WARS2: variants seen among roughly 807,000 people sequenced by gnomAD.
The protein encoded by WARS2 is tryptophanyl tRNA synthetase 2, mitochondrial, also known as tryptophan--tRNA ligase, mitochondrial.
WARS2 carries 28 observed loss-of-function variants against 36.5 expected under a neutral mutation model. The observed-to-expected ratio is 0.77, with a 90% CI of 0.57 to 1.05. WARS2 has a LOEUF of 1.05. WARS2 is among the 50% of genes least tolerant of loss of function. The pLI, the probability that WARS2 is intolerant of heterozygous loss-of-function variation, is 0.00. For missense variants in WARS2, 435 were observed against 456.8 expected (o/e 0.95, Z 0.44); for synonymous variants, 174 against 178.4 (o/e 0.98, Z 0.20).
At chr1:119,051,316 G>A (rs2101154700) in intron 2 of WARS2, among the ~76,000 whole-genome samples, 1 of 152,224 alleles carries the variant, frequency 6.6e-6, no homozygotes, top group South Asian at 2.1e-4. Flanking sequence ...AGTTTGCTAA[G>A]GATAATGGCC....
chr1:119,056,748 G>A (rs1429796464), intron 2 of WARS2, among the ~76,000 whole-genome samples: 1 of 151,782 alleles, frequency 6.6e-6, no homozygotes, highest in Non-Finnish European at 1.5e-5. Flanking sequence ...CCACTGATCA[G>A]TTTTGTTACT....
At chr1:119,087,965 C>T (rs587745559) in intron 1 of WARS2, among the ~76,000 whole-genome samples, 60 of 152,266 alleles carry the variant, frequency 3.9e-4, no homozygotes, top group African/African-American at 1.4e-3. Flanking sequence ...TCTTGGGTTC[C>T]AACCCAGACC....
intron 2 of WARS2, among the ~76,000 whole-genome samples, chr1:119,074,928 G>A (rs985379548): frequency 1.3e-5 from 2 of 152,036 alleles, no homozygotes; most frequent in East Asian, 3.9e-4. Flanking sequence ...ACTTATAAGT[G>A]GGAACTAAAC....
chr1:119,084,511 C>CA (rs1364691739), intron 1 of WARS2, among the ~76,000 whole-genome samples: 1 of 151,940 alleles, frequency 6.6e-6, no homozygotes, highest in Non-Finnish European at 1.5e-5. Context: ...GCCAATCAAA[C>CA]AAAAAAGTTG....
intron 3 of WARS2, among the ~76,000 whole-genome samples, chr1:119,043,681 G>A (rs1341692119): frequency 6.6e-6 from 1 of 152,128 alleles, no homozygotes; most frequent in Admixed American, 6.5e-5. Context: ...GTTTAATTTG[G>A]AAACGTGCAA....
At chr1:119,087,740 C>A (rs992031730) in intron 1 of WARS2, among the ~76,000 whole-genome samples, 3 of 152,176 alleles carry the variant, frequency 2.0e-5, no homozygotes, top group African/African-American at 7.2e-5. Flanking sequence ...TGTATGATTA[C>A]TTTGAGGTGG....
intron 1 of WARS2, among the ~76,000 whole-genome samples, chr1:119,114,790 A>C (rs1654860965): frequency 6.6e-6 from 1 of 152,214 alleles, no homozygotes. Flanking sequence ...ATGAATTCCT[A>C]AGTACATCCT....
At chr1:119,101,343 TAA>T (rs954014945) in intron 1 of WARS2, among the ~76,000 whole-genome samples, 3 of 152,170 alleles carry the variant, frequency 2.0e-5, no homozygotes, top group Admixed American at 6.5e-5. Flanking sequence ...AAAAACAATA[TAA>T]GAGTCATGTT....
intron 1 of WARS2, chr1:119,126,814 A>G: frequency 5.4e-6 from 4 of 742,036 alleles, no homozygotes; most frequent in Non-Finnish European, 9.9e-6. Context: ...TGTACCTCTC[A>G]GGTCATGATT....
chr1:119,034,207 T>C lies in WARS2; in HGVS notation c.522A>G (p.Thr174=), dbSNP rs1208731605. The C allele has an allele frequency of 1.2e-6, 2 of 1,613,464 alleles. No individual in the cohort carries two copies. Among genetic ancestry groups the C allele is most frequent in the Admixed American group, 1.7e-5 (1 of 60,012 alleles). The change falls in exon 5 of 6, where the codon ACA becomes ACG. Residue 174 remains threonine, a synonymous_variant. Transcript: ENST00000235521. ...QAADILLYKS[T]HVPVGEDQVQ... ...CTTGATCCTCCCCAACAGGAACGTG[T>C]GTGGACCTTTAATAAAAGACAGACA...
At chr1:119,140,520 G>A (rs992430121) in intron 1 of WARS2, 35 bp downstream of exon 1, 1 of 1,595,836 alleles carries the variant, frequency 6.3e-7, no homozygotes, top group Non-Finnish European at 8.6e-7. Context: ...CTCGCGGGAT[G>A]GGAAGCCGCG....
At chr1:119,113,993 C>T (rs587669137) in intron 1 of WARS2, among the ~76,000 whole-genome samples, 1 of 152,238 alleles carries the variant, frequency 6.6e-6, no homozygotes, top group Non-Finnish European at 1.5e-5. Flanking sequence ...AGTAAATATA[C>T]ACAGTACTGA....
At chr1:119,125,623 G>T (rs587602038) in intron 1 of WARS2, among the ~76,000 whole-genome samples, 20 of 152,290 alleles carry the variant, frequency 1.3e-4, no homozygotes, top group African/African-American at 4.6e-4. Context: ...ACTGAACAGG[G>T]TCTTTTAATC....
intron 1 of WARS2, among the ~76,000 whole-genome samples, chr1:119,111,251 G>A (rs899550792): frequency 3.9e-5 from 6 of 152,112 alleles, no homozygotes; most frequent in Non-Finnish European, 8.8e-5. Flanking sequence ...CAGTAAACAG[G>A]CTTTTAATAG....
In WARS2 at chr1:119,032,900, G is replaced by A. The variant is rs373768460; in HGVS notation, c.*11C>T. 6.6e-5 allele frequency: 106 copies of A among 1,602,974 alleles called. No homozygotes were observed. The Middle Eastern group carries it at 6.7e-4, about 10-fold the overall frequency. The stretch of plus-strand genomic sequence containing the variant: ...AGGCACAAAAGCCTTGCTGTGATTC[G>A]TTGAAACTTCCTATAGAAAACCCAC... On this transcript the variant is annotated 3_prime_UTR_variant, in exon 6 of 6. Transcript: ENST00000235521.
At chr1:119,066,767 G>T (rs994901856) in intron 2 of WARS2, among the ~76,000 whole-genome samples, 3 of 152,106 alleles carry the variant, frequency 2.0e-5, no homozygotes, top group African/African-American at 7.2e-5. Flanking sequence ...AAATGTTGCC[G>T]AGGAGAGTTC....
At chr1:119,069,968 T>C (rs960043905) in intron 2 of WARS2, among the ~76,000 whole-genome samples, 1 of 152,138 alleles carries the variant, frequency 6.6e-6, no homozygotes, top group Non-Finnish European at 1.5e-5. Flanking sequence ...GGTTCCCGCC[T>C]CATGAGTACA....
chr1:119,040,694 A>G (rs182852404), intron 4 of WARS2, among the ~76,000 whole-genome samples: 70 of 152,344 alleles, frequency 4.6e-4, no homozygotes, highest in African/African-American at 1.4e-3. Flanking sequence ...ATCATTAGTC[A>G]TAACCAAGTA....
chr1:119,138,651 G>A (rs1283136096), intron 1 of WARS2, among the ~76,000 whole-genome samples: 1 of 151,910 alleles, frequency 6.6e-6, no homozygotes, highest in African/African-American at 2.4e-5. Context: ...ATAACACTAT[G>A]AACACAATTT....
Sources: gnomAD v4.1 joint callset for allele counts (sites outside exome capture counted in the v4.1 genomes callset) on GRCh38, gnomAD v4.1.1 for gene constraint, MANE v1.5 for transcripts, NCBI Gene and HGNC (gene_info 2026-07-23, HGNC 2026-07-21) for gene names.